ARHGAP39: variants seen among roughly 807,000 people sequenced by gnomAD.
ARHGAP39 encodes rho GTPase-activating protein 39.
In ARHGAP39, 44 loss-of-function variants were observed where a neutral mutation model predicts 106.9. The observed-to-expected ratio is 0.41, with a 90% CI of 0.32 to 0.53. ARHGAP39 has a LOEUF of 0.53. Ranked by LOEUF, ARHGAP39 falls within the 20% of genes least tolerant of loss-of-function variation. ARHGAP39 has a pLI of 0.21. For missense variants in ARHGAP39, 1,496 were observed against 1,577.3 expected (o/e 0.95, Z 0.87); for synonymous variants, 768 against 693.2 (o/e 1.11, Z -1.69).
In ARHGAP39 at chr8:144,636,757, A is replaced by G. The variant is rs189669902; in HGVS notation, c.-81-31062T>C. Among the ~76,000 whole-genome samples, 67 of 152,354 alleles carry G rather than the reference A, an allele frequency of 4.4e-4. No individual in the cohort carries two copies. The Middle Eastern group carries it at 0.01, about 23-fold the overall frequency. On this transcript the variant is annotated intron_variant, in intron 1 of 11. Coordinates refer to ENST00000377307, the MANE Select transcript of ARHGAP39 (RefSeq NM_025251.3). ...GGTGACACTCCCGCACCCCAGGCTC[A>G]GCACCCTCCATTTACCACCTTGTTT...
At chr8:144,615,576 C>G (rs374495756) in intron 1 of ARHGAP39, among the ~76,000 whole-genome samples, 8 of 152,302 alleles carry the variant, frequency 5.3e-5, no homozygotes, top group African/African-American at 1.9e-4. Context: ...TTCCTTAGGC[C>G]CATTGTGGAT....
intron 7 of ARHGAP39, among the ~76,000 whole-genome samples, chr8:144,534,533 G>GACCCAGGGAGCT (rs1429721553): frequency 6.6e-6 from 1 of 152,234 alleles, no homozygotes; most frequent in Non-Finnish European, 1.5e-5. Flanking sequence ...CCCGGGGCCT[G>GACCCAGGGAGCT]ACCCAGGGAG....
chr8:144,651,790 C>A (rs1382123272), intron 1 of ARHGAP39, among the ~76,000 whole-genome samples: 1 of 152,094 alleles, frequency 6.6e-6, no homozygotes, highest in Non-Finnish European at 1.5e-5. Context: ...CAAAAAGAAG[C>A]TGGAGGCATC....
chr8:144,541,099 C>A (rs1817172821), intron 6 of ARHGAP39, among the ~76,000 whole-genome samples: 1 of 152,230 alleles, frequency 6.6e-6, no homozygotes. Flanking sequence ...GATCCACCGG[C>A]CTCCGCCTCC....
rs958974767 is a variant in ARHGAP39 at position 144,585,739 on chromosome 8, C to T, written c.81-4462G>A. ...CGAGGATGTCGCTGGTTGTGGCAGT[C>T]GGCTGTACACACCATGCTCTTAAAT... On this transcript the variant is annotated intron_variant, in intron 2 of 11. Coordinates refer to ENST00000377307, the MANE Select transcript of ARHGAP39 (RefSeq NM_025251.3). The surrounding 1 kb of genome is among the most constrained non-coding windows in gnomAD (Gnocchi z 4.6). Among the ~76,000 whole-genome samples, 2 of 152,178 alleles carry T rather than the reference C, an allele frequency of 1.3e-5. No homozygotes were observed. Among genetic ancestry groups the T allele is most frequent in the Non-Finnish European group, 2.9e-5 (2 of 68,032 alleles).
At chr8:144,555,849 G>C (rs1347602059) in intron 3 of ARHGAP39, among the ~76,000 whole-genome samples, 5 of 152,362 alleles carry the variant, frequency 3.3e-5, no homozygotes, top group Middle Eastern at 3.4e-3. Context: ...CCAGAGGCCA[G>C]GGAGTGGCTG....
intron 1 of ARHGAP39, among the ~76,000 whole-genome samples, chr8:144,635,858 GGCT>G (rs1189943533): frequency 1.2e-4 from 13 of 106,310 alleles, no homozygotes; most frequent in Admixed American, 2.8e-4. Flanking sequence ...GGGGGGCTGA[GGCT>G]ACCGCCAGGT....
intron 1 of ARHGAP39, among the ~76,000 whole-genome samples, chr8:144,667,687 G>T (rs1304029051): frequency 6.6e-6 from 1 of 152,232 alleles, no homozygotes; most frequent in African/African-American, 2.4e-5. Context: ...ATGGCACCTG[G>T]ACTTGAATCC....
At chr8:144,618,860 G>A (rs550243142) in intron 1 of ARHGAP39, among the ~76,000 whole-genome samples, 3 of 152,360 alleles carry the variant, frequency 2.0e-5, no homozygotes, top group Admixed American at 1.3e-4. Flanking sequence ...GACCGCGGGC[G>A]CACAGCCACC....
At chr8:144,698,208 C>T in the ARHGAP39 span, among the ~76,000 whole-genome samples, 403 of 152,248 alleles carry the variant, frequency 2.6e-3, 4 homozygotes, top group African/African-American at 5.3e-3. Flanking sequence ...CAAGCCTGGC[C>T]TCTACCCACT....
At chr8:144,687,311 G>T (rs373687796), upstream of ARHGAP39, among the ~76,000 whole-genome samples, 18 of 14,962 alleles carry the variant, frequency 1.2e-3, no homozygotes, top group South Asian at 4.1e-3. Context: ...CCGTGACCAC[G>T]CACTGGCGGC....
At chr8:144,695,248 G>A in the ARHGAP39 span, among the ~76,000 whole-genome samples, 9 of 4,080 alleles carry the variant, frequency 2.2e-3, no homozygotes, top group African/African-American at 7.8e-3. Context: ...CTAATTTTTT[G>A]CATTTTAAGT....
intron 9 of ARHGAP39, 138 bp from the exon 10 acceptor site, chr8:144,532,534 G>C: frequency 1.4e-6 from 1 of 715,144 alleles, no homozygotes; most frequent in Non-Finnish European, 2.3e-6. Context: ...CACCCCGGTT[G>C]GCCTCTTTCC....
chr8:144,601,551 C>CAT (rs1819947542), intron 2 of ARHGAP39, among the ~76,000 whole-genome samples: 2 of 112,284 alleles, frequency 1.8e-5, no homozygotes, highest in African/African-American at 7.6e-5. Context: ...TGGAGGCGTG[C>CAT]GTGCGAGCTC....
At chr8:144,615,534 C>T (rs1820610451) in intron 1 of ARHGAP39, among the ~76,000 whole-genome samples, 2 of 152,230 alleles carry the variant, frequency 1.3e-5, no homozygotes, top group African/African-American at 2.4e-5. Context: ...CACTGCTTCC[C>T]GTCTGGCCGA....
In ARHGAP39 at chr8:144,638,020, C is replaced by T. The variant is rs573627160; in HGVS notation, c.-81-32325G>A. On this transcript the variant is annotated intron_variant, in intron 1 of 11. Transcript: ENST00000377307. ...CATTCTTTCCTTTTAAAACATTTTT[C>T]CTTCTTCCTGAATCCTGTCTTTTAG... Among the ~76,000 whole-genome samples the T allele has an allele frequency of 5.1e-3, 777 of 152,182 alleles. 3 individuals carry two copies. The highest frequency in any genetic ancestry group is 0.014 in the Middle Eastern group (4 of 294).
chr8:144,590,863 C>T (rs1391954695), intron 2 of ARHGAP39, among the ~76,000 whole-genome samples: 3 of 152,206 alleles, frequency 2.0e-5, no homozygotes, highest in East Asian at 1.9e-4. Context: ...TGAGCCTTGT[C>T]GACCGCCCTG....
intron 1 of ARHGAP39, among the ~76,000 whole-genome samples, chr8:144,607,078 A>T (rs1019845372): frequency 3.3e-5 from 5 of 151,852 alleles, no homozygotes; most frequent in Admixed American, 1.3e-4. Context: ...GTAATCTGAC[A>T]AAGGGCCACA....
At chr8:144,630,622 C>T (rs1821036568) in intron 1 of ARHGAP39, among the ~76,000 whole-genome samples, 1 of 152,352 alleles carries the variant, frequency 6.6e-6, no homozygotes, top group African/African-American at 2.4e-5. Context: ...GAATGAATGT[C>T]CCCCGCCAAA....
Sources: gnomAD v4.1 joint callset for allele counts (sites outside exome capture counted in the v4.1 genomes callset) on GRCh38, gnomAD v4.1.1 for gene constraint, Gnocchi (gnomAD v3.1) non-coding constraint, MANE v1.5 for transcripts, NCBI Gene and HGNC (gene_info 2026-07-23, HGNC 2026-07-21) for gene names.